Variants in NR5A2 observed in about 807,000 individuals in gnomAD.
NR5A2 encodes nuclear receptor subfamily 5 group A member 2.
A neutral mutation model predicts 62.7 loss-of-function variants in NR5A2; 26 were observed. The ratio of observed to expected loss-of-function variants is 0.41; its 90% CI spans 0.30 to 0.58. NR5A2 has a LOEUF of 0.58. Ranked by LOEUF, NR5A2 falls within the 20% of genes least tolerant of loss-of-function variation. The probability of loss-of-function intolerance (pLI) is 0.22; values close to 1 mark genes in which losing one functional copy is unlikely to be tolerated. For synonymous variants in NR5A2, 246 were observed against 241.7 expected, an observed-to-expected ratio of 1.02 and a Z score of -0.16; for missense variants, 541 against 669.1, an observed-to-expected ratio of 0.81 and a Z score of 2.11.
At chr1:200,105,355 G>A (rs1665599278) in intron 5 of NR5A2, among the ~76,000 whole-genome samples, 1 of 152,092 alleles carries the variant, frequency 6.6e-6, no homozygotes, top group East Asian at 1.9e-4. Flanking sequence ...GTTAAAACCT[G>A]CTTCAGCACA....
At chr1:200,096,421 G>A (rs746372413) in intron 5 of NR5A2, among the ~76,000 whole-genome samples, 23 of 152,118 alleles carry the variant, frequency 1.5e-4, no homozygotes, top group Non-Finnish European at 3.4e-4. Context: ...ACACAACAGG[G>A]TATGAGTTGT....
chr1:200,042,824 CAT>C, intron 2 of NR5A2: 1 of 985,550 alleles, frequency 1.0e-6, no homozygotes, highest in Middle Eastern at 5.2e-4. Flanking sequence ...CCTTCCTGTG[CAT>C]AGTTTGTCAT....
At chr1:200,053,829 C>G (rs1662780497) in intron 5 of NR5A2, among the ~76,000 whole-genome samples, 1 of 152,150 alleles carries the variant, frequency 6.6e-6, no homozygotes, top group African/African-American at 2.4e-5. Flanking sequence ...TCATTCAGTA[C>G]AGTGGATTCA....
chr1:200,136,723 A>C (rs974289118), intron 7 of NR5A2, among the ~76,000 whole-genome samples: 3 of 152,214 alleles, frequency 2.0e-5, no homozygotes, highest in African/African-American at 7.2e-5. Flanking sequence ...TTTATGATGA[A>C]GCTAACCCAT....
At chr1:200,097,936 C>T (rs940453526) in intron 5 of NR5A2, among the ~76,000 whole-genome samples, 1 of 152,208 alleles carries the variant, frequency 6.6e-6, no homozygotes, top group African/African-American at 2.4e-5. Flanking sequence ...TGCTAAAAAT[C>T]TAGCTAATGT....
intron 5 of NR5A2, among the ~76,000 whole-genome samples, chr1:200,109,201 C>T (rs945216564): frequency 4.6e-5 from 7 of 152,192 alleles, no homozygotes; most frequent in African/African-American, 1.7e-4. Flanking sequence ...TTGGTCAGAA[C>T]ATACTGGTTT....
At chr1:200,075,300 C>A (rs1462107231) in intron 5 of NR5A2, among the ~76,000 whole-genome samples, 1 of 152,146 alleles carries the variant, frequency 6.6e-6, no homozygotes, top group Non-Finnish European at 1.5e-5. Context: ...AAAAGGAAAG[C>A]CGCTTTGCAA....
At chr1:200,097,645 G>C (rs1234265226) in intron 5 of NR5A2, among the ~76,000 whole-genome samples, 2 of 152,176 alleles carry the variant, frequency 1.3e-5, no homozygotes, top group Non-Finnish European at 1.5e-5. Context: ...TAAAGGAAAG[G>C]CTATCTAGAA....
intron 7 of NR5A2, among the ~76,000 whole-genome samples, chr1:200,140,164 A>G (rs1418983415): frequency 6.6e-6 from 1 of 152,106 alleles, no homozygotes; most frequent in Non-Finnish European, 1.5e-5. Context: ...TTATTTCTTT[A>G]TATCATTATT....
chr1:200,169,045 G>A (rs1181081097), intron 7 of NR5A2, among the ~76,000 whole-genome samples: 2 of 151,874 alleles, frequency 1.3e-5, no homozygotes, highest in African/African-American at 4.8e-5. Context: ...TAAAAGATTA[G>A]ATAAACCAGC....
intron 1 of NR5A2, among the ~76,000 whole-genome samples, chr1:200,036,788 T>C (rs1056578113): frequency 5.3e-5 from 8 of 152,120 alleles, no homozygotes. Flanking sequence ...TTAGGAAAGG[T>C]CGTTTTCTCT....
intron 5 of NR5A2, among the ~76,000 whole-genome samples, chr1:200,100,045 TATATC>T (rs1298807232): frequency 2.0e-5 from 3 of 152,272 alleles, no homozygotes; most frequent in African/African-American, 7.2e-5. Context: ...CAGAGGAAAA[TATATC>T]AAGCTGAGAA....
chr1:200,153,196 G>A (rs1175506578), intron 7 of NR5A2, among the ~76,000 whole-genome samples: 2 of 152,228 alleles, frequency 1.3e-5, no homozygotes, highest in Non-Finnish European at 2.9e-5. Flanking sequence ...AGAAATGGAA[G>A]TCTAAGTAGA....
At chr1:200,151,278 C>T (rs531406083) in intron 7 of NR5A2, among the ~76,000 whole-genome samples, 1 of 152,180 alleles carries the variant, frequency 6.6e-6, no homozygotes, top group Admixed American at 6.5e-5. Context: ...TTAGAGAAAG[C>T]CATGGGTTTC....
At chr1:200,121,171 C>T (rs1666467976) in intron 7 of NR5A2, among the ~76,000 whole-genome samples, 1 of 152,110 alleles carries the variant, frequency 6.6e-6, no homozygotes, top group Non-Finnish European at 1.5e-5. Context: ...ATGAGTTATT[C>T]AATTGACTCA....
At position 200,147,638 on chromosome 1, in the gene NR5A2, TC is replaced by T. The variant is rs779909578; in HGVS notation, c.1379-26324del. 7 of 709,390 alleles carry T rather than the reference TC, an allele frequency of 9.9e-6. No individual in the cohort carries two copies. The highest frequency in any genetic ancestry group is 2.7e-4 in the Middle Eastern group (1 of 3,684). The allele number at this position is 709,390 out of a possible 1,614,324, so 43.9% of individuals were successfully genotyped here. A position where few individuals can be genotyped will look rare whatever the true frequency, so the allele number is the denominator to read the frequency against. On this transcript the variant is annotated intron_variant, in intron 7 of 7. Coordinates refer to ENST00000367362, the MANE Select transcript of NR5A2 (RefSeq NM_205860.3). The surrounding 1 kb of genome is among the most constrained non-coding windows in gnomAD (Gnocchi z 4.9). ...AGGCAGCGCCGCAGCTTGCCCTGGATCTTGTCGATTGAGTTGAAGTCGGACA... is the reference window on the plus strand; with the variant it reads ...AGGCAGCGCCGCAGCTTGCCCTGGATTTGTCGATTGAGTTGAAGTCGGACA...
chr1:200,032,399 G>A (rs1455797386), intron 1 of NR5A2, among the ~76,000 whole-genome samples: 1 of 152,214 alleles, frequency 6.6e-6, no homozygotes, highest in Non-Finnish European at 1.5e-5. Flanking sequence ...ATGTTTTTGT[G>A]TGGTTGATAA....
intron 5 of NR5A2, among the ~76,000 whole-genome samples, chr1:200,052,096 C>T (rs1278236168): frequency 6.6e-6 from 1 of 152,158 alleles, no homozygotes; most frequent in Middle Eastern, 3.2e-3. Flanking sequence ...AAATTGATTT[C>T]ACGGCCCATT....
chr1:200,108,260 T>G (rs1665786230), intron 5 of NR5A2, among the ~76,000 whole-genome samples: 1 of 151,762 alleles, frequency 6.6e-6, no homozygotes, highest in Non-Finnish European at 1.5e-5. Flanking sequence ...AATTTTTACA[T>G]TTTTTTGTAA....
Sources: allele counts gnomAD v4.1 joint callset (sites outside exome capture counted in the v4.1 genomes callset), GRCh38; gene constraint gnomAD v4.1.1; non-coding constraint Gnocchi (gnomAD v3.1); transcripts MANE v1.5; gene names NCBI Gene and HGNC (gene_info 2026-07-23, HGNC 2026-07-21).